Variants in PRELID3A observed in about 807,000 individuals in gnomAD.
The protein encoded by PRELID3A is PRELI domain containing protein 3A.
PRELID3A carries 27 observed loss-of-function variants against 23.0 expected under a neutral mutation model. The observed-to-expected ratio is 1.17, with a 90% CI of 0.87 to 1.62. PRELID3A has a LOEUF of 1.62. Ranked by LOEUF, PRELID3A falls within the 40% of genes most tolerant of loss-of-function variation. The pLI is 0.00. For missense variants in PRELID3A, 231 were observed against 231.4 expected, an observed-to-expected ratio of 1.00 and a Z score of 0.01; for synonymous variants, 87 against 86.4, an observed-to-expected ratio of 1.01 and a Z score of -0.04.
intron 1 of PRELID3A, among the ~76,000 whole-genome samples, chr18:12,412,048 C>G (rs893826356): frequency 6.6e-6 from 1 of 150,884 alleles, no homozygotes; most frequent in African/African-American, 2.4e-5. Context: ...GTAGCTGGAA[C>G]CACAGGCGCC....
intron 3 of PRELID3A, among the ~76,000 whole-genome samples, chr18:12,423,841 T>G (rs2030272519): frequency 6.6e-6 from 1 of 152,222 alleles, no homozygotes. Flanking sequence ...GGAGCTGCTC[T>G]GGGTCCTGCG....
At chr18:12,413,649 T>G (rs1434549752) in intron 1 of PRELID3A, among the ~76,000 whole-genome samples, 1 of 152,178 alleles carries the variant, frequency 6.6e-6, no homozygotes, top group African/African-American at 2.4e-5. Flanking sequence ...AGTGGCATGA[T>G]CTCAGTTAAC....
chr18:12,421,354 T>C, intron 2 of PRELID3A, 186 bp from the exon 3 acceptor site: 1 of 589,942 alleles, frequency 1.7e-6, no homozygotes, highest in South Asian at 2.1e-5. Context: ...ATTCATTTCT[T>C]TGCTCAGTGG....
chr18:12,408,790 G>T (rs1909812338), intron 1 of PRELID3A, among the ~76,000 whole-genome samples: 1 of 152,144 alleles, frequency 6.6e-6, no homozygotes, highest in South Asian at 2.1e-4. Flanking sequence ...AATGAGAATT[G>T]CTTAATGGGT....
intron 1 of PRELID3A, among the ~76,000 whole-genome samples, chr18:12,409,742 T>C (rs1304672554): frequency 6.6e-6 from 1 of 152,160 alleles, no homozygotes; most frequent in African/African-American, 2.4e-5. Context: ...GTTTGTGAAA[T>C]GTCTGTGGAC....
At chr18:12,422,424 T>C (rs998957029) in intron 3 of PRELID3A, 1 of 151,392 alleles carries the variant, frequency 6.6e-6, no homozygotes, top group Non-Finnish European at 1.5e-5. Flanking sequence ...AGTGGCGTGA[T>C]CTCGGCTCAC....
intron 3 of PRELID3A, among the ~76,000 whole-genome samples, chr18:12,423,922 C>T (rs961279564): frequency 6.6e-6 from 1 of 152,200 alleles, no homozygotes; most frequent in East Asian, 1.9e-4. Context: ...GAACAGTCCC[C>T]CAGGATGCTC....
chr18:12,430,478 GGTGT>G (rs771076520), intron 6 of PRELID3A, among the ~76,000 whole-genome samples: 8 of 145,602 alleles, frequency 5.5e-5, no homozygotes, highest in Non-Finnish European at 9.0e-5. Flanking sequence ...GTATATATGT[GGTGT>G]GTGTGTGTGG....
intron 5 of PRELID3A, among the ~76,000 whole-genome samples, chr18:12,428,006 T>G (rs1223109257): frequency 6.6e-6 from 1 of 152,208 alleles, no homozygotes; most frequent in Non-Finnish European, 1.5e-5. Context: ...GTTAACAGTG[T>G]CAGGTAGGCT....
At chr18:12,419,383 C>T (rs1246553653) in intron 1 of PRELID3A, among the ~76,000 whole-genome samples, 1 of 145,890 alleles carries the variant, frequency 6.9e-6, no homozygotes, top group Non-Finnish European at 1.5e-5. Flanking sequence ...AATCCCAGCA[C>T]TTTGGGAGGC....
chr18:12,426,524 A>T (rs2030382315), intron 3 of PRELID3A, among the ~76,000 whole-genome samples: 1 of 134,520 alleles, frequency 7.4e-6, no homozygotes, highest in Non-Finnish European at 1.5e-5. Context: ...ACTGCACTCC[A>T]GCCTGGGCTA....
intron 1 of PRELID3A, among the ~76,000 whole-genome samples, chr18:12,409,283 C>A (rs900557015): frequency 2.0e-5 from 3 of 150,644 alleles, no homozygotes; most frequent in Non-Finnish European, 2.9e-5. Context: ...TCTCGTGCCT[C>A]AGCCTCCTGA....
At chr18:12,423,683 G>A (rs1367663431) in intron 3 of PRELID3A, among the ~76,000 whole-genome samples, 1 of 152,216 alleles carries the variant, frequency 6.6e-6, no homozygotes, top group African/African-American at 2.4e-5. Flanking sequence ...CTGGTCCCAG[G>A]GGCAGGCAGG....
chr18:12,430,801 ATGTG>A (rs1352884878), intron 6 of PRELID3A, among the ~76,000 whole-genome samples: 1 of 134,278 alleles, frequency 7.4e-6, no homozygotes, highest in South Asian at 2.4e-4. Context: ...CATGTGTGTG[ATGTG>A]TGTGTGCTAT....
intron 1 of PRELID3A, among the ~76,000 whole-genome samples, chr18:12,408,525 C>T (rs1166559492): frequency 1.3e-5 from 2 of 152,162 alleles, no homozygotes; most frequent in Non-Finnish European, 1.5e-5. Flanking sequence ...TTTCGGGGGC[C>T]CTGGCTCTGA....
At chr18:12,428,384 C>G (rs1251447773) in intron 5 of PRELID3A, among the ~76,000 whole-genome samples, 1 of 152,214 alleles carries the variant, frequency 6.6e-6, no homozygotes, top group East Asian at 1.9e-4. Context: ...CTCACAGGCT[C>G]ATGTCTTCTC....
intron 1 of PRELID3A, among the ~76,000 whole-genome samples, chr18:12,411,465 CAAAAAA>C (rs398059054): frequency 1.1e-5 from 1 of 89,658 alleles, no homozygotes; most frequent in South Asian, 4.4e-4. Flanking sequence ...GACTCCGTCT[CAAAAAA>C]AAAAAAAAAA....
chr18:12,428,932 C>G (rs1028462259), intron 5 of PRELID3A, among the ~76,000 whole-genome samples: 1 of 152,182 alleles, frequency 6.6e-6, no homozygotes, highest in African/African-American at 2.4e-5. Context: ...GTGTTGAAGG[C>G]TTAGGAGAGA....
At chr18:12,412,277 T>G (rs1223663119) in intron 1 of PRELID3A, among the ~76,000 whole-genome samples, 2 of 150,642 alleles carry the variant, frequency 1.3e-5, no homozygotes, top group Non-Finnish European at 2.9e-5. Context: ...AACCTCTGCC[T>G]CCCAGGTTCA....
Sources: gnomAD v4.1 joint callset for allele counts (sites outside exome capture counted in the v4.1 genomes callset) on GRCh38, gnomAD v4.1.1 for gene constraint, MANE v1.5 for transcripts, NCBI Gene and HGNC (gene_info 2026-07-23, HGNC 2026-07-21) for gene names.